CDA: variants seen among roughly 807,000 people sequenced by gnomAD.
The protein encoded by CDA is cytidine deaminase.
CDA carries 7 observed loss-of-function variants against 15.0 expected under a neutral mutation model. That is an observed-to-expected ratio of 0.47 (90% CI 0.26 to 0.87). CDA has a LOEUF of 0.87. Among genes scored for constraint, CDA ranks in the 40% least tolerant of loss-of-function variants. CDA has a pLI of 0.15. For synonymous variants in CDA, 58 were observed against 73.0 expected (o/e 0.79, Z 1.05); for missense variants, 159 against 182.7 (o/e 0.87, Z 0.75).
At chr1:20,608,637 T>C (rs1030216723) in intron 2 of CDA, among the ~76,000 whole-genome samples, 2 of 152,226 alleles carry the variant, frequency 1.3e-5, no homozygotes, top group African/African-American at 4.8e-5. Flanking sequence ...CTCGAACTTC[T>C]GGCCTCAAGT....
intron 1 of CDA, among the ~76,000 whole-genome samples, chr1:20,601,829 C>T (rs190182880): frequency 2.1e-4 from 32 of 152,168 alleles, no homozygotes; most frequent in African/African-American, 7.7e-4. Flanking sequence ...AAGACTTGGA[C>T]TTATAAAAGG....
chr1:20,615,470 C>CAAA (rs35351279), intron 3 of CDA, among the ~76,000 whole-genome samples: 58,776 of 112,594 alleles, frequency 0.52, 16,261 homozygotes, highest in Middle Eastern at 0.6. Flanking sequence ...CTGTTCTCCA[C>CAAA]AAAAAAAAAA....
intron 1 of CDA, among the ~76,000 whole-genome samples, chr1:20,604,137 C>T (rs1393248747): frequency 2.0e-5 from 3 of 152,204 alleles, no homozygotes; most frequent in Non-Finnish European, 4.4e-5. Context: ...TGAACTCTGA[C>T]AGCCAGTACC....
intron 2 of CDA, among the ~76,000 whole-genome samples, chr1:20,610,246 C>T (rs1169728382): frequency 6.9e-6 from 1 of 144,622 alleles, no homozygotes; most frequent in Admixed American, 7.2e-5. Context: ...CTGGCACATT[C>T]TAGGCACACA....
At chr1:20,598,218 G>C (rs1401850334) in intron 1 of CDA, among the ~76,000 whole-genome samples, 1 of 152,200 alleles carries the variant, frequency 6.6e-6, no homozygotes, top group African/African-American at 2.4e-5. Flanking sequence ...TAGGTCATGA[G>C]GGCTCTGCCC....
At chr1:20,596,493 AT>A (rs2052592469) in intron 1 of CDA, among the ~76,000 whole-genome samples, 1 of 152,284 alleles carries the variant, frequency 6.6e-6, no homozygotes, top group African/African-American at 2.4e-5. Flanking sequence ...AGGCAGGAGG[AT>A]TGCTTGAGTC....
In CDA at chr1:20,601,866, C is replaced by T. The variant is rs532685938; in HGVS notation, c.155-3062C>T. Among the ~76,000 whole-genome samples, 56 of 152,244 alleles carry T rather than the reference C, an allele frequency of 3.7e-4. 1 individual carries two copies. Among genetic ancestry groups the T allele is most frequent in the African/African-American group, 1.1e-3 (47 of 41,524 alleles). On this transcript the variant is annotated intron_variant, in intron 1 of 3. Transcript: ENST00000375071. ...GGTGTAGGCTGGGCACCGTGGCTCA[C>T]ACCTATAATCCCAGCACCTTGAGAG...
intron 1 of CDA, among the ~76,000 whole-genome samples, chr1:20,590,059 G>C (rs1397434507): frequency 1.3e-5 from 2 of 152,210 alleles, no homozygotes; most frequent in Admixed American, 6.5e-5. Flanking sequence ...GCTAAGCTTA[G>C]AGGCATTCTC....
At chr1:20,602,877 C>G (rs1009132978) in intron 1 of CDA, among the ~76,000 whole-genome samples, 6 of 152,270 alleles carry the variant, frequency 3.9e-5, no homozygotes, top group Non-Finnish European at 1.5e-5. Flanking sequence ...CCTGCCAACT[C>G]TGGCATTTTC....
intron 3 of CDA, among the ~76,000 whole-genome samples, chr1:20,616,971 C>T (rs1207485030): frequency 6.6e-6 from 1 of 152,176 alleles, no homozygotes; most frequent in Non-Finnish European, 1.5e-5. Context: ...ATAAGAATGG[C>T]ATCTATTAAT....
rs572661979 is a variant in CDA at position 20,597,100 on chromosome 1, T to G, written c.154+7817T>G. On this transcript the variant is annotated intron_variant, in intron 1 of 3. Transcript: ENST00000375071. Reference sequence around the variant, plus strand: ...AATAACATCTGACCGCAGCCCTGCCTTAAGCACCAAACCACCTCAAAACAT... The same window carrying G: ...AATAACATCTGACCGCAGCCCTGCCGTAAGCACCAAACCACCTCAAAACAT... 3.3e-5 allele frequency among the ~76,000 whole-genome samples: 5 copies of G among 152,176 alleles called. No individual in the cohort carries two copies. The East Asian group carries it at 9.7e-4, about 29-fold the overall frequency.
rs185308856 is a variant in CDA at position 20,601,528 on chromosome 1, G to A, written c.155-3400G>A. Among the ~76,000 whole-genome samples the A allele has an allele frequency of 2.1e-3, 323 of 152,212 alleles. 2 individuals are homozygous for A. Among genetic ancestry groups the A allele is most frequent in the African/African-American group, 7.4e-3 (306 of 41,526 alleles). ...TTCCCCAAAGTAGAATTCCAAACCA[G>A]CCCCCATCTAACACCATACAGCCAT... is the stretch of plus-strand genomic sequence containing the variant. On this transcript the variant is annotated intron_variant, in intron 1 of 3. Coordinates refer to ENST00000375071, the MANE Select transcript of CDA (RefSeq NM_001785.3).
intron 1 of CDA, among the ~76,000 whole-genome samples, chr1:20,591,669 G>C (rs969162534): frequency 2.0e-5 from 3 of 152,156 alleles, no homozygotes; most frequent in Non-Finnish European, 4.4e-5. Context: ...TGCAGGGAAA[G>C]ACCTGGTGTC....
chr1:20,591,176 A>T (rs980322184), intron 1 of CDA, among the ~76,000 whole-genome samples: 105 of 152,112 alleles, frequency 6.9e-4, no homozygotes, highest in African/African-American at 2.4e-3. Flanking sequence ...CATCTCTACT[A>T]AAAATACAAA....
At chr1:20,617,706 T>A (rs960579972) in intron 3 of CDA, among the ~76,000 whole-genome samples, 52 of 151,664 alleles carry the variant, frequency 3.4e-4, no homozygotes, top group African/African-American at 9.9e-4. Flanking sequence ...TATTTTTTTT[T>A]TTTTTTGAGA....
At position 20,591,213 on chromosome 1, in the gene CDA, T is replaced by C. The variant is rs546980697; in HGVS notation, c.154+1930T>C. ...AAAAATAGCCGGGCGTGGTGATGGG[T>C]GCCTGTAGTCCCAGCTACTCGGGAG... On this transcript the variant is annotated intron_variant, in intron 1 of 3. Transcript: ENST00000375071. Among the ~76,000 whole-genome samples, 31 of 151,870 alleles carry C rather than the reference T, an allele frequency of 2.0e-4. No individual in the cohort carries two copies. In the East Asian group the frequency reaches 5.4e-3, roughly 27 times the overall value.
intron 1 of CDA, among the ~76,000 whole-genome samples, chr1:20,594,712 C>T (rs2052577116): frequency 6.7e-6 from 1 of 150,282 alleles, no homozygotes; most frequent in African/African-American, 2.4e-5. Context: ...TCGCTTGAAC[C>T]TGGGAGGTGG....
intron 1 of CDA, among the ~76,000 whole-genome samples, chr1:20,601,760 A>G (rs573728219): frequency 5.9e-5 from 9 of 152,318 alleles, no homozygotes; most frequent in Admixed American, 5.9e-4. Flanking sequence ...CAAGAAGATA[A>G]TGACCAAATA....
intron 2 of CDA, among the ~76,000 whole-genome samples, chr1:20,607,278 C>A (rs1373397953): frequency 6.6e-6 from 1 of 152,162 alleles, no homozygotes; most frequent in Non-Finnish European, 1.5e-5. Context: ...GGAGACCCAG[C>A]TTAATTTGTT....
Sources: gnomAD v4.1 joint callset for allele counts (sites outside exome capture counted in the v4.1 genomes callset) on GRCh38, gnomAD v4.1.1 for gene constraint, MANE v1.5 for transcripts, NCBI Gene and HGNC (gene_info 2026-07-23, HGNC 2026-07-21) for gene names.